Variants in PCDHA2 observed in about 807,000 individuals in gnomAD.
PCDHA2 encodes the protein protocadherin alpha 2.
In PCDHA2, 58 loss-of-function variants were observed where a neutral mutation model predicts 66.0. The ratio of observed to expected loss-of-function variants is 0.88; its 90% CI spans 0.71 to 1.09. The LOEUF is 1.09. PCDHA2 is among the 50% of genes least tolerant of loss of function. The probability of loss-of-function intolerance (pLI) is 0.00; values close to 1 mark genes in which losing one functional copy is unlikely to be tolerated. For synonymous variants in PCDHA2, 634 were observed against 554.0 expected, an observed-to-expected ratio of 1.14 and a Z score of -2.03; for missense variants, 1,267 against 1,242.3, an observed-to-expected ratio of 1.02 and a Z score of -0.30.
rs2150387302 is a variant in PCDHA2 at position 140,846,348 on chromosome 5, C to T, written c.2388+48996C>T. ...TAAATAGCCTTTTAAAGTGCTTTCT[C>T]TTTTTTCTTTTCTTTTCTTTCTTTC... is the stretch of plus-strand genomic sequence containing the variant. On this transcript the variant is annotated intron_variant, in intron 1 of 3. Transcript: ENST00000526136. 5.0e-5 allele frequency among the ~76,000 whole-genome samples: 7 copies of T among 138,736 alleles called. 1 individual carries two copies. Among genetic ancestry groups the T allele is most frequent in the East Asian group, 2.0e-4 (1 of 4,968 alleles). The allele number at this position is 138,736 out of a possible 152,430, so 91.0% of individuals were successfully genotyped here.
In PCDHA2 at chr5:140,928,350, T is replaced by C. The variant is rs144619371; in HGVS notation, c.2389-50599T>C. The C allele has an allele frequency of 1.3e-5, 21 of 1,614,098 alleles. No homozygotes were observed. The African/African-American group carries it at 2.1e-4, about 16-fold the overall frequency. On this transcript the variant is annotated intron_variant, in intron 1 of 3. Coordinates refer to ENST00000526136, the MANE Select transcript of PCDHA2 (RefSeq NM_018905.3). ...GCCTTGTCTCTTATGAGCTGTTGGA[T>C]GTTATCTCTGAAGGGCCATCAGCCT...
chr5:140,960,331 A>G (rs1157705398), intron 1 of PCDHA2, among the ~76,000 whole-genome samples: 1 of 152,230 alleles, frequency 6.6e-6, no homozygotes, highest in African/African-American at 2.4e-5. Flanking sequence ...TGTGAGAAGT[A>G]CATGAGGTGA....
intron 3 of PCDHA2, among the ~76,000 whole-genome samples, chr5:141,000,226 G>A (rs2097897321): frequency 6.6e-6 from 1 of 151,546 alleles, no homozygotes; most frequent in Non-Finnish European, 1.5e-5. Context: ...TGCCTGTGTG[G>A]AGCTGAATGT....
chr5:140,835,928 C>G (rs2150248518), intron 1 of PCDHA2: 1 of 1,612,452 alleles, frequency 6.2e-7, no homozygotes, highest in Non-Finnish European at 8.5e-7. Context: ...CGGAGAGCGG[C>G]AAGGTGTACG....
chr5:140,936,113 G>T (rs1316824905), intron 1 of PCDHA2, among the ~76,000 whole-genome samples: 1 of 151,964 alleles, frequency 6.6e-6, no homozygotes, highest in African/African-American at 2.4e-5. Flanking sequence ...GGCTGGTCTC[G>T]AACTCCTGAC....
At chr5:140,949,360 T>G (rs1178484553) in intron 1 of PCDHA2, among the ~76,000 whole-genome samples, 1 of 151,868 alleles carries the variant, frequency 6.6e-6, no homozygotes, top group South Asian at 2.1e-4. Context: ...TTTATTTTTT[T>G]GTCTAGTTGT....
At chr5:140,930,420 A>T (rs996872425) in intron 1 of PCDHA2, 2 of 151,962 alleles carry the variant, frequency 1.3e-5, no homozygotes, top group Non-Finnish European at 2.9e-5. Context: ...CAGGGGTCTC[A>T]CTATGTTGCC....
At position 140,883,732 on chromosome 5, in the gene PCDHA2, G is replaced by T. The variant is rs17844355; in HGVS notation, c.2388+86380G>T. The stretch of plus-strand genomic sequence containing the variant: ...AGGACGCGGACGCACAGGAGAACGC[G>T]CTGGTCTCCTACTCGCTGGTGGAGC... On this transcript the variant is annotated intron_variant, in intron 1 of 3. Transcript: ENST00000526136. The T allele has an allele frequency of 3.9e-4, 630 of 1,613,452 alleles. 2 individuals are homozygous for T. The East Asian group carries it at 0.013, about 33-fold the overall frequency.
chr5:141,001,403 G>C (rs2098015477), intron 3 of PCDHA2, among the ~76,000 whole-genome samples: 1 of 152,232 alleles, frequency 6.6e-6, no homozygotes, highest in Non-Finnish European at 1.5e-5. Flanking sequence ...AGAACAGGGA[G>C]TATATTTTTA....
chr5:140,850,292 C>G lies in PCDHA2; in HGVS notation c.2388+52940C>G, dbSNP rs2150478092. The stretch of plus-strand genomic sequence containing the variant: ...TGGGGAAGGTGCGCGCAGTGGACGC[C>G]GACTCGGGCTACAACGCGTGGCTTT... On this transcript the variant is annotated intron_variant, in intron 1 of 3. Transcript: ENST00000526136. 30 of 1,595,922 alleles carry G rather than the reference C, an allele frequency of 1.9e-5. 3 individuals are homozygous for G. The highest frequency in any genetic ancestry group is 6.7e-5 in the East Asian group (3 of 44,830).
In PCDHA2 at chr5:140,797,261, A is replaced by C. The variant is rs540368650; in HGVS notation, c.2297A>C (p.Lys766Thr). The change falls in exon 1 of 4, where the codon AAG (lysine) becomes ACG (threonine). Residue 766 changes from lysine (K) to threonine (T), a missense_variant. Physicochemically the swap from Lys to Thr is moderately conservative, Grantham distance 78. Coordinates refer to ENST00000526136, the MANE Select transcript of PCDHA2 (RefSeq NM_018905.3). ...GTGTGCTCTGGGGAGGACCCCCCCAAGACGGACCTCATGGCCTTCAGCCCT... is the reference window on the plus strand; with the variant it reads ...GTGTGCTCTGGGGAGGACCCCCCCACGACGGACCTCATGGCCTTCAGCCCT... The part of the protein sequence containing the change: ...QRVCSGEDPP[K>T]TDLMAFSPSL... The C allele has an allele frequency of 1.2e-5, 20 of 1,614,214 alleles. No individual in the cohort carries two copies. The South Asian group carries it at 2.0e-4, about 16-fold the overall frequency.
rs2150413547 is a variant in PCDHA2, at chr5:140,848,594, C to T, written c.2388+51242C>T. On this transcript the variant is annotated intron_variant, in intron 1 of 3. Coordinates refer to ENST00000526136, the MANE Select transcript of PCDHA2 (RefSeq NM_018905.3). The stretch of plus-strand genomic sequence containing the variant: ...TGGTGGGGAGCGGCCAGCTCCACTA[C>T]TCCGTCCCGGAGGAAGCCGAACACG... 3.8e-6 allele frequency: 6 copies of T among 1,594,526 alleles called. 1 individual carries two copies. In the African/African-American group the frequency reaches 4.0e-5, roughly 11 times the overall value.
At chr5:140,955,648 A>G (rs1554222007) in intron 1 of PCDHA2, among the ~76,000 whole-genome samples, 1 of 152,138 alleles carries the variant, frequency 6.6e-6, no homozygotes, top group East Asian at 1.9e-4. Flanking sequence ...ACAAATTAAT[A>G]CACATATGAA....
intron 1 of PCDHA2, among the ~76,000 whole-genome samples, chr5:140,977,965 C>T (rs782117847): frequency 3.3e-5 from 5 of 152,150 alleles, no homozygotes; most frequent in Non-Finnish European, 5.9e-5. Context: ...CCTCAATCTC[C>T]GCCCATGAAA....
At chr5:140,824,127 C>G (rs370659144) in intron 1 of PCDHA2, 1 of 1,613,450 alleles carries the variant, frequency 6.2e-7, no homozygotes, top group Non-Finnish European at 8.5e-7. Flanking sequence ...CTACAGACAA[C>G]GTGAGTTTTC....
chr5:140,831,953 T>G (rs1771773742), intron 1 of PCDHA2, among the ~76,000 whole-genome samples: 3 of 152,194 alleles, frequency 2.0e-5, no homozygotes, highest in Admixed American at 2.0e-4. Context: ...AAAGAAAAAC[T>G]TTATGTCATT....
chr5:140,910,661 A>G (rs1289499574), intron 1 of PCDHA2, among the ~76,000 whole-genome samples: 1 of 152,186 alleles, frequency 6.6e-6, no homozygotes, highest in Non-Finnish European at 1.5e-5. Context: ...CTTCCTCTAC[A>G]TTAAACCAAG....
intron 1 of PCDHA2, among the ~76,000 whole-genome samples, chr5:140,921,337 C>T (rs1339756681): frequency 6.6e-6 from 1 of 152,082 alleles, no homozygotes; most frequent in Non-Finnish European, 1.5e-5. Flanking sequence ...GGTCCAATCA[C>T]ATAATATATT....
intron 1 of PCDHA2, among the ~76,000 whole-genome samples, chr5:140,912,342 TA>T (rs1371454067): frequency 9.7e-5 from 12 of 123,478 alleles, no homozygotes; most frequent in African/African-American, 4.4e-4. Context: ...GTACACTAAG[TA>T]TTTTTTTTTT....
Sources: allele counts gnomAD v4.1 joint callset (sites outside exome capture counted in the v4.1 genomes callset), GRCh38; gene constraint gnomAD v4.1.1; transcripts MANE v1.5; gene names NCBI Gene and HGNC (gene_info 2026-07-23, HGNC 2026-07-21).